The following OPRM1 variants were observed in gnomAD, a reference collection of about 807,000 sequenced individuals.
OPRM1 encodes the protein opioid receptor mu 1, also known as mu-type opioid receptor.
OPRM1 carries 27 observed loss-of-function variants against 31.8 expected under a neutral mutation model. The observed-to-expected ratio is 0.85, with a 90% CI of 0.63 to 1.17. The LOEUF (loss-of-function observed/expected upper bound fraction) is 1.17, where lower values mean the gene tolerates loss of function less well. OPRM1 is among the 50% of genes most tolerant of loss of function. The probability of loss-of-function intolerance (pLI) is 0.00; values close to 1 mark genes in which losing one functional copy is unlikely to be tolerated. For missense variants in OPRM1, 536 were observed against 511.1 expected, an observed-to-expected ratio of 1.05 and a Z score of -0.47; for synonymous variants, 196 against 189.9, an observed-to-expected ratio of 1.03 and a Z score of -0.26.
chr6:154,100,124 ATTATGACATATAATATATAT>A lies in OPRM1; in HGVS notation c.1164+8654_1164+8673del, dbSNP rs1562472423. On this transcript the variant is annotated intron_variant, in intron 3 of 3. Coordinates refer to ENST00000330432, the MANE Select transcript of OPRM1 (RefSeq NM_000914.5). ...TGATATATATATTATATATTATCAT[ATTATGACATATAATATATAT>A]TATCATATTATGACGTATCATAATA... is the stretch of plus-strand genomic sequence containing the variant. Among the ~76,000 whole-genome samples the A allele has an allele frequency of 3.6e-4, 15 of 41,992 alleles. 5 individuals are homozygous for A. Among genetic ancestry groups the A allele is most frequent in the South Asian group, 1.8e-3 (2 of 1,110 alleles). The allele number at this position is 41,992 out of a possible 152,430, so 27.5% of individuals were successfully genotyped here. A position where few individuals can be genotyped will look rare whatever the true frequency, so the allele number is the denominator to read the frequency against.
chr6:154,051,780 G>A (rs1782244025), intron 1 of OPRM1, among the ~76,000 whole-genome samples: 1 of 152,120 alleles, frequency 6.6e-6, no homozygotes, highest in South Asian at 2.1e-4. Flanking sequence ...AATTCCTCAA[G>A]GATCTAGAAC....
At chr6:154,100,001 ATAT>A (rs1408185422) in intron 3 of OPRM1, among the ~76,000 whole-genome samples, 10 of 115,248 alleles carry the variant, frequency 8.7e-5, no homozygotes, top group East Asian at 6.5e-4. Flanking sequence ...ATATATTATC[ATAT>A]TATGATATAT....
At chr6:154,180,414 A>ATATATATATATATT (rs1241250621) in intron 3 of OPRM1, among the ~76,000 whole-genome samples, 2 of 65,268 alleles carry the variant, frequency 3.1e-5, no homozygotes, top group African/African-American at 4.8e-5. Flanking sequence ...ATATATATAT[A>ATATATATATATATT]TTTTTTTTTT....
chr6:154,207,509 G>T (rs1394656161), intron 3 of OPRM1, among the ~76,000 whole-genome samples: 2 of 152,056 alleles, frequency 1.3e-5, no homozygotes, highest in Non-Finnish European at 1.5e-5. Context: ...AAGATTAAAT[G>T]TGAATTTCCA....
chr6:154,190,297 A>T (rs558481674), intron 3 of OPRM1, among the ~76,000 whole-genome samples: 2 of 152,320 alleles, frequency 1.3e-5, no homozygotes, highest in East Asian at 3.8e-4. Context: ...TAGGCAAAAG[A>T]TCTCAACAGA....
At chr6:154,015,099 T>G (rs1777932220) in intron 1 of OPRM1, among the ~76,000 whole-genome samples, 1 of 152,120 alleles carries the variant, frequency 6.6e-6, no homozygotes, top group South Asian at 2.1e-4. Context: ...AGGAGATCAG[T>G]TCTCCCTCAG....
chr6:154,023,440 G>C (rs1174180089), intron 1 of OPRM1, among the ~76,000 whole-genome samples: 1 of 152,068 alleles, frequency 6.6e-6, no homozygotes, highest in African/African-American at 2.4e-5. Flanking sequence ...ATGCGTTCTA[G>C]TTGTTTTTTG....
chr6:154,127,180 A>G lies in OPRM1; in HGVS notation c.*8459A>G, dbSNP rs375206768. Among the ~76,000 whole-genome samples, 18 of 151,402 alleles carry G rather than the reference A, an allele frequency of 1.2e-4. No homozygotes were observed. The East Asian group carries it at 1.4e-3, about 11-fold the overall frequency. ...TTCACACAACACAGCCTTGAGATGC[A>G]GTATTAAATTCTACACTTTTCCTAC... is the stretch of plus-strand genomic sequence containing the variant. On this transcript the variant is annotated 3_prime_UTR_variant, in exon 4 of 4. Transcript: ENST00000330432.
At chr6:154,094,240 G>T (rs1792951956) in intron 3 of OPRM1, 1 of 1,286,830 alleles carries the variant, frequency 7.8e-7, no homozygotes, top group Non-Finnish European at 1.0e-6. Flanking sequence ...CCTTCCCAGG[G>T]TGTCTGTATT....
At chr6:154,199,473 T>A (rs553303594) in intron 3 of OPRM1, among the ~76,000 whole-genome samples, 67 of 152,356 alleles carry the variant, frequency 4.4e-4, no homozygotes, top group African/African-American at 1.6e-3. Flanking sequence ...TTATAGCAAG[T>A]AATTAGTGGC....
At chr6:154,145,238 T>C (rs1321534314) in intron 3 of OPRM1, among the ~76,000 whole-genome samples, 1 of 152,192 alleles carries the variant, frequency 6.6e-6, no homozygotes, top group Non-Finnish European at 1.5e-5. Flanking sequence ...ATTATCTTTG[T>C]AGAAAATCCT....
Position 154,110,258 on chromosome 6 carries a change from C to G in OPRM1, c.1165-8425C>G, listed in dbSNP as rs497332. ...ATATTACAAGAAAAAAATCTATGTA[C>G]CTTTGGGGTATAAATCATTGAATTA... On this transcript the variant is annotated intron_variant, in intron 3 of 3. Transcript: ENST00000330432. 590,158 of 643,296 alleles carry G rather than the reference C, an allele frequency of 0.92. 271,026 individuals are homozygous for G. The highest frequency in any genetic ancestry group is 0.98 in the East Asian group (32,490 of 33,176). 39.8% of individuals were successfully genotyped at this position (643,296 alleles called of 1,614,324 possible).
In OPRM1 at chr6:154,129,887, A is replaced by C. The variant is rs985923564; in HGVS notation, c.*11166A>C. On this transcript the variant is annotated 3_prime_UTR_variant, in exon 4 of 4. Coordinates refer to ENST00000330432, the MANE Select transcript of OPRM1 (RefSeq NM_000914.5). ...ACACACACACACACACACACACACA[A>C]CATAGTGAAATGGACCCGTGGGAAT... is the stretch of plus-strand genomic sequence containing the variant. Among the ~76,000 whole-genome samples the C allele has an allele frequency of 6.9e-5, 10 of 144,406 alleles. No individual in the cohort carries two copies. In the South Asian group the frequency reaches 1.7e-3, roughly 25 times the overall value. The allele number at this position is 144,406 out of a possible 152,430, so 94.7% of individuals were successfully genotyped here.
intron 3 of OPRM1, chr6:154,107,646 T>G (rs995344118): frequency 1.5e-5 from 11 of 718,424 alleles, no homozygotes; most frequent in Non-Finnish European, 2.9e-5. Context: ...CTAAAATTCC[T>G]GTTCCCTTGA....
chr6:154,200,598 G>C (rs554946100), intron 3 of OPRM1, among the ~76,000 whole-genome samples: 1 of 152,210 alleles, frequency 6.6e-6, no homozygotes, highest in South Asian at 2.1e-4. Context: ...GCGCGCACCT[G>C]TAGTCCCAGC....
At chr6:154,219,529 C>T (rs1245925540) in intron 3 of OPRM1, among the ~76,000 whole-genome samples, 1 of 152,116 alleles carries the variant, frequency 6.6e-6, no homozygotes, top group Non-Finnish European at 1.5e-5. Flanking sequence ...GCGGACTGAC[C>T]TCACTATCAC....
At chr6:154,044,701 A>G (rs997223823) in intron 1 of OPRM1, among the ~76,000 whole-genome samples, 2 of 152,234 alleles carry the variant, frequency 1.3e-5, no homozygotes, top group African/African-American at 2.4e-5. Flanking sequence ...TGCTAAGAAG[A>G]AAATACAAAT....
At chr6:154,115,511 GC>G (rs1796770909) in intron 3 of OPRM1, among the ~76,000 whole-genome samples, 2 of 152,178 alleles carry the variant, frequency 1.3e-5, no homozygotes, top group Non-Finnish European at 2.9e-5. Context: ...CTGCACTCCA[GC>G]CTGGGTGACA....
rs1416908388 is a variant in OPRM1, at chr6:154,212,782, C to T, written c.1165-33911C>T. On this transcript the variant is annotated intron_variant, in intron 3 of 3. Transcript: ENST00000337049. ...TGTCGGTACATACCAAAGACTGAGT[C>T]TGGGAAGCGTGAGGAGGGGGTGGTG... 4.3e-6 allele frequency: 7 copies of T among 1,611,396 alleles called. No homozygotes were observed. In the African/African-American group the frequency reaches 5.3e-5, roughly 12 times the overall value.
Sources: gnomAD v4.1 joint callset for allele counts (sites outside exome capture counted in the v4.1 genomes callset) on GRCh38, gnomAD v4.1.1 for gene constraint, MANE v1.5 for transcripts, NCBI Gene and HGNC (gene_info 2026-07-23, HGNC 2026-07-21) for gene names.